SLIT3: variants seen among roughly 807,000 people sequenced by gnomAD.
SLIT3 encodes slit homolog 3 protein.
A neutral mutation model predicts 184.0 loss-of-function variants in SLIT3; 68 were observed. That is an observed-to-expected ratio of 0.37 (90% CI 0.30 to 0.45). SLIT3 has a LOEUF of 0.45. Among genes scored for constraint, SLIT3 ranks in the 20% least tolerant of loss-of-function variants. The pLI is 1.00. For synonymous variants in SLIT3, 831 were observed against 828.6 expected, an observed-to-expected ratio of 1.00 and a Z score of -0.05; for missense variants, 1,707 against 2,026.0, an observed-to-expected ratio of 0.84 and a Z score of 3.02.
At chr5:168,686,802 T>A (rs1761757307) in intron 30 of SLIT3, among the ~76,000 whole-genome samples, 177 bp downstream of exon 30, 2 of 152,252 alleles carry the variant, frequency 1.3e-5, no homozygotes. Context: ...CCTGCTCTAT[T>A]TCCCTCATGG....
At chr5:169,223,280 T>C (rs1253505757) in intron 3 of SLIT3, among the ~76,000 whole-genome samples, 1 of 151,960 alleles carries the variant, frequency 6.6e-6, no homozygotes, top group Non-Finnish European at 1.5e-5. Context: ...AGCCTTGGAG[T>C]GGGGATGCTA....
intron 3 of SLIT3, among the ~76,000 whole-genome samples, chr5:169,212,832 G>T (rs1764311030): frequency 6.6e-6 from 1 of 152,136 alleles, no homozygotes; most frequent in Admixed American, 6.5e-5. Context: ...AAGGTATAAG[G>T]AAGGCGTCCA....
intron 4 of SLIT3, among the ~76,000 whole-genome samples, chr5:168,999,809 A>G (rs957966365): frequency 1.2e-4 from 18 of 152,198 alleles, no homozygotes; most frequent in Non-Finnish European, 2.2e-4. Context: ...GGCTGCAGGT[A>G]CAGAGTGGAC....
intron 3 of SLIT3, among the ~76,000 whole-genome samples, chr5:169,197,498 T>C (rs1374794938): frequency 1.3e-5 from 2 of 152,184 alleles, no homozygotes; most frequent in East Asian, 1.9e-4. Flanking sequence ...TGAGACATGC[T>C]GTTCTCCTGA....
intron 4 of SLIT3, among the ~76,000 whole-genome samples, chr5:168,972,337 A>ATGTGTGTGTGTGTGTGTGTG (rs60588036): frequency 0.085 from 10,062 of 117,936 alleles, 811 homozygotes; most frequent in African/African-American, 0.1. Context: ...GCAGGACAAC[A>ATGTGTGTGTGTGTGTGTGTG]TGTGTGTGTG....
intron 4 of SLIT3, among the ~76,000 whole-genome samples, chr5:168,898,396 CT>C (rs67374761): frequency 0.68 from 97,112 of 141,904 alleles, 34,887 homozygotes; most frequent in Non-Finnish European, 0.8. Context: ...TGGAGGGAGA[CT>C]TTTTTTTTTT....
chr5:168,979,115 C>G (rs1177278190), intron 4 of SLIT3, among the ~76,000 whole-genome samples: 1 of 152,206 alleles, frequency 6.6e-6, no homozygotes, highest in East Asian at 1.9e-4. Flanking sequence ...TCACTCCAGG[C>G]TCATCCTGGG....
At chr5:168,853,995 C>T (rs1758767798) in intron 5 of SLIT3, among the ~76,000 whole-genome samples, 1 of 152,168 alleles carries the variant, frequency 6.6e-6, no homozygotes, top group Non-Finnish European at 1.5e-5. Flanking sequence ...TCCCTTCATT[C>T]AAGCACTTAC....
intron 4 of SLIT3, among the ~76,000 whole-genome samples, chr5:168,935,305 C>T (rs1055375174): frequency 4.6e-5 from 7 of 152,088 alleles, no homozygotes; most frequent in African/African-American, 1.7e-4. Flanking sequence ...TTTCTCTCTC[C>T]ACTTCCTAAA....
chr5:169,006,321 TGC>T (rs1323432713), intron 4 of SLIT3, among the ~76,000 whole-genome samples: 1 of 152,196 alleles, frequency 6.6e-6, no homozygotes, highest in African/African-American at 2.4e-5. Flanking sequence ...ACCTAAGAGA[TGC>T]GACAATGAGA....
chr5:168,795,364 T>C, intron 10 of SLIT3, 143 bp downstream of exon 10: 1 of 683,836 alleles, frequency 1.5e-6, no homozygotes, highest in Non-Finnish European at 2.7e-6. Flanking sequence ...CTCCCAAGCT[T>C]AGGACAGCGT....
chr5:169,117,272 G>A (rs1449919409), intron 4 of SLIT3, among the ~76,000 whole-genome samples: 1 of 152,142 alleles, frequency 6.6e-6, no homozygotes, highest in Non-Finnish European at 1.5e-5. Flanking sequence ...TCTATAAAAA[G>A]CACGGCTCCA....
At chr5:169,201,616 A>C (rs1763906205) in intron 3 of SLIT3, among the ~76,000 whole-genome samples, 1 of 152,292 alleles carries the variant, frequency 6.6e-6, no homozygotes, top group Admixed American at 6.5e-5. Context: ...TAACAAATGA[A>C]CTCCAAAATC....
rs562381273 is a variant in SLIT3, at chr5:168,700,851, A to G, written c.2845-172T>C. ...TTGGAGCCCACCCATGGGAGCCCTA[A>G]CCCCTAGTCACTGGACAGTAAGAAG... is the stretch of plus-strand genomic sequence containing the variant. On this transcript the variant is annotated intron_variant, in intron 26 of 35. Transcript: ENST00000519560. Among the ~76,000 whole-genome samples the G allele has an allele frequency of 3.3e-5, 5 of 152,258 alleles. No individual in the cohort carries two copies. The East Asian group carries it at 9.7e-4, about 29-fold the overall frequency.
intron 3 of SLIT3, among the ~76,000 whole-genome samples, chr5:169,200,605 G>A (rs777787753): frequency 3.9e-5 from 6 of 152,114 alleles, no homozygotes; most frequent in Non-Finnish European, 7.3e-5. Flanking sequence ...TCAAACATCA[G>A]TTCAGAGATG....
intron 4 of SLIT3, among the ~76,000 whole-genome samples, chr5:169,033,760 T>C (rs531887296): frequency 6.6e-6 from 1 of 152,064 alleles, no homozygotes; most frequent in Non-Finnish European, 1.5e-5. Flanking sequence ...CCTATTCAGG[T>C]CTTTTGCCCA....
intron 1 of SLIT3, among the ~76,000 whole-genome samples, chr5:169,256,590 A>G (rs181310061): frequency 9.2e-5 from 14 of 152,308 alleles, no homozygotes; most frequent in Admixed American, 8.5e-4. Flanking sequence ...TAACGCATGA[A>G]GTTTTGGGGT....
chr5:169,295,281 C>T (rs748877269), intron 1 of SLIT3, among the ~76,000 whole-genome samples: 3 of 152,124 alleles, frequency 2.0e-5, no homozygotes, highest in Non-Finnish European at 4.4e-5. Flanking sequence ...GTGTTAAGCA[C>T]TTTCCTGTAT....
intron 4 of SLIT3, among the ~76,000 whole-genome samples, chr5:169,020,075 C>T (rs999795577): frequency 3.9e-5 from 6 of 152,114 alleles, no homozygotes; most frequent in African/African-American, 4.8e-5. Context: ...TTTTACATAT[C>T]GTCTGTGGTT....
Sources: gnomAD v4.1 joint callset for allele counts (sites outside exome capture counted in the v4.1 genomes callset) on GRCh38, gnomAD v4.1.1 for gene constraint, MANE v1.5 for transcripts, NCBI Gene and HGNC (gene_info 2026-07-23, HGNC 2026-07-21) for gene names.